The following KIAA1217 variants were observed in gnomAD, a reference collection of about 807,000 sequenced individuals.
KIAA1217 encodes the protein KIAA1217.
Under a neutral mutation model 163.9 loss-of-function variants are expected in KIAA1217, and 88 were observed. That is an observed-to-expected ratio of 0.54 (90% CI 0.45 to 0.64). The LOEUF (loss-of-function observed/expected upper bound fraction) is 0.64, where lower values mean the gene tolerates loss of function less well. Among genes scored for constraint, KIAA1217 ranks in the 30% least tolerant of loss-of-function variants. The pLI is 0.00. For synonymous variants in KIAA1217, 903 were observed against 923.1 expected (o/e 0.98, Z 0.39); for missense variants, 2,372 against 2,475.0 (o/e 0.96, Z 0.88).
chr10:23,904,468 A>C (rs1053597168), intron 1 of KIAA1217, among the ~76,000 whole-genome samples: 1 of 152,206 alleles, frequency 6.6e-6, no homozygotes, highest in Admixed American at 6.5e-5. Flanking sequence ...TTGGTTTGAC[A>C]CAACAAAAGT....
intron 2 of KIAA1217, among the ~76,000 whole-genome samples, chr10:24,124,796 T>C (rs2063408248): frequency 6.6e-6 from 1 of 152,216 alleles, no homozygotes; most frequent in Non-Finnish European, 1.5e-5. Flanking sequence ...CCCAGTTTTA[T>C]AAAATATCCG....
chr10:23,821,775 G>T (rs1428843989), intron 1 of KIAA1217, among the ~76,000 whole-genome samples: 1 of 152,138 alleles, frequency 6.6e-6, no homozygotes, highest in Non-Finnish European at 1.5e-5. Context: ...AGTCATAGTG[G>T]GAGGCCTGTT....
At chr10:24,049,231 A>G (rs1849302687) in intron 2 of KIAA1217, among the ~76,000 whole-genome samples, 1 of 152,084 alleles carries the variant, frequency 6.6e-6, no homozygotes, top group Non-Finnish European at 1.5e-5. Flanking sequence ...TTACCCTGGC[A>G]TAGCCTGCTT....
intron 1 of KIAA1217, among the ~76,000 whole-genome samples, chr10:23,884,518 G>A (rs899072251): frequency 3.3e-5 from 5 of 151,882 alleles, no homozygotes; most frequent in Non-Finnish European, 7.4e-5. Flanking sequence ...CAGCAATCGG[G>A]CAAGCCACAG....
At chr10:23,827,434 G>A (rs1246292851) in intron 1 of KIAA1217, among the ~76,000 whole-genome samples, 1 of 152,182 alleles carries the variant, frequency 6.6e-6, no homozygotes, top group Non-Finnish European at 1.5e-5. Flanking sequence ...CGTGTTGATA[G>A]GGAACATGTG....
chr10:23,871,012 TC>T (rs145966903), intron 1 of KIAA1217, among the ~76,000 whole-genome samples: 1,957 of 151,908 alleles, frequency 0.013, 15 homozygotes, highest in Non-Finnish European at 0.02. Context: ...TTTTTCTTTT[TC>T]TTTTCTTTTT....
chr10:24,346,731 C>G (rs2047836362), intron 2 of KIAA1217, among the ~76,000 whole-genome samples: 1 of 151,390 alleles, frequency 6.6e-6, no homozygotes, highest in African/African-American at 2.4e-5. Flanking sequence ...ACCACCACAC[C>G]CGGCTAATTT....
chr10:23,851,848 T>G (rs1839351759), intron 1 of KIAA1217, among the ~76,000 whole-genome samples: 1 of 151,640 alleles, frequency 6.6e-6, no homozygotes, highest in Non-Finnish European at 1.5e-5. Flanking sequence ...TCGCCCACTT[T>G]TTGATGGGGT....
intron 7 of KIAA1217, 39 bp downstream of exon 7, chr10:24,494,643 C>A (rs1477632899): frequency 1.5e-6 from 2 of 1,315,270 alleles, no homozygotes; most frequent in Non-Finnish European, 2.2e-6. Flanking sequence ...ATAATTCAAT[C>A]TGTTTCTCTT....
chr10:24,433,211 T>C lies in KIAA1217; in HGVS notation c.752+18T>C. On this transcript the variant is annotated intron_variant, in intron 4 of 20. Transcript: ENST00000376454. ...GATGTAAGGTAAGTTGTGACATCAT[T>C]TTTTGCCTGCCATTTTGCCTTAGAG... The C allele has an allele frequency of 6.3e-7, 1 of 1,590,260 alleles. No homozygotes were observed. The highest frequency in any genetic ancestry group is 8.6e-7 in the Non-Finnish European group (1 of 1,165,056).
intron 2 of KIAA1217, among the ~76,000 whole-genome samples, chr10:24,322,335 G>A (rs1023406425): frequency 1.3e-5 from 2 of 152,160 alleles, no homozygotes; most frequent in Non-Finnish European, 2.9e-5. Flanking sequence ...CAGCAGTAGC[G>A]GCCTGGGCAG....
intron 1 of KIAA1217, among the ~76,000 whole-genome samples, chr10:23,843,714 G>T (rs1766106500): frequency 6.6e-6 from 1 of 152,114 alleles, no homozygotes. Flanking sequence ...TTCTGTATAG[G>T]CAGGGTGATA....
chr10:24,444,859 C>G (rs142115974), intron 5 of KIAA1217, among the ~76,000 whole-genome samples: 13 of 152,080 alleles, frequency 8.5e-5, no homozygotes, highest in African/African-American at 3.1e-4. Context: ...GCATTTGTGG[C>G]GTGTGTTTTG....
At chr10:23,960,499 C>T (rs976323854) in intron 1 of KIAA1217, among the ~76,000 whole-genome samples, 2 of 150,524 alleles carry the variant, frequency 1.3e-5, no homozygotes, top group African/African-American at 2.4e-5. Flanking sequence ...TCAGGTGATC[C>T]GCCTGCCTTG....
At chr10:24,522,929 T>C (rs1246768035) in intron 12 of KIAA1217, among the ~76,000 whole-genome samples, 2 of 152,132 alleles carry the variant, frequency 1.3e-5, no homozygotes, top group African/African-American at 4.8e-5. Flanking sequence ...GAGCCGAGGT[T>C]GTGCCACTGC....
intron 2 of KIAA1217, among the ~76,000 whole-genome samples, chr10:24,198,981 G>T (rs1400906785): frequency 6.6e-6 from 1 of 152,194 alleles, no homozygotes; most frequent in Non-Finnish European, 1.5e-5. Context: ...CACTATGGGA[G>T]GCTGAGGTGG....
At chr10:24,340,084 C>T (rs554036589) in intron 2 of KIAA1217, among the ~76,000 whole-genome samples, 2 of 152,344 alleles carry the variant, frequency 1.3e-5, no homozygotes, top group Non-Finnish European at 2.9e-5. Flanking sequence ...GACCTGATCT[C>T]TTGGCCATTT....
chr10:23,714,835 T>C (rs1188011949), intron 1 of KIAA1217, among the ~76,000 whole-genome samples: 1 of 152,088 alleles, frequency 6.6e-6, no homozygotes, highest in Non-Finnish European at 1.5e-5. Context: ...AGCATGGTCT[T>C]GGGCAGTCAT....
intron 2 of KIAA1217, among the ~76,000 whole-genome samples, chr10:24,330,642 G>T (rs2045556197): frequency 6.6e-6 from 1 of 152,026 alleles, no homozygotes; most frequent in African/African-American, 2.4e-5. Flanking sequence ...TTGAGACAGG[G>T]TCTAGCTCTG....
Sources: gnomAD v4.1 joint callset for allele counts (sites outside exome capture counted in the v4.1 genomes callset) on GRCh38, gnomAD v4.1.1 for gene constraint, MANE v1.5 for transcripts, NCBI Gene and HGNC (gene_info 2026-07-23, HGNC 2026-07-21) for gene names.